The following CFAP299 variants were observed in gnomAD, a reference collection of about 807,000 sequenced individuals.
CFAP299 encodes cilia and flagella associated protein 299.
CFAP299 carries 21 observed loss-of-function variants against 27.0 expected under a neutral mutation model. The ratio of observed to expected loss-of-function variants is 0.78; its 90% CI spans 0.55 to 1.12. CFAP299 has a LOEUF of 1.12. CFAP299 is among the 50% of genes most tolerant of loss of function. The probability of loss-of-function intolerance (pLI) is 0.00; values close to 1 mark genes in which losing one functional copy is unlikely to be tolerated. For synonymous variants in CFAP299, 104 were observed against 98.1 expected (o/e 1.06, Z -0.36); for missense variants, 310 against 276.6 (o/e 1.12, Z -0.86).
At chr4:80,761,519 T>C (rs1326654713) in intron 3 of CFAP299, among the ~76,000 whole-genome samples, 1 of 152,002 alleles carries the variant, frequency 6.6e-6, no homozygotes, top group Non-Finnish European at 1.5e-5. Flanking sequence ...TATTAATATA[T>C]TTATATGGAA....
intron 2 of CFAP299, among the ~76,000 whole-genome samples, chr4:80,441,442 A>G (rs979043253): frequency 3.3e-5 from 5 of 152,238 alleles, no homozygotes; most frequent in Admixed American, 2.6e-4. Flanking sequence ...AGAATTGCAT[A>G]TCCAGCCAAA....
At chr4:80,419,777 C>T (rs1309130432) in intron 2 of CFAP299, among the ~76,000 whole-genome samples, 1 of 152,112 alleles carries the variant, frequency 6.6e-6, no homozygotes, top group African/African-American at 2.4e-5. Flanking sequence ...TGGGTAACCT[C>T]TATACTGTTT....
At chr4:80,513,189 T>A (rs970171099) in intron 2 of CFAP299, among the ~76,000 whole-genome samples, 1 of 152,158 alleles carries the variant, frequency 6.6e-6, no homozygotes, top group African/African-American at 2.4e-5. Flanking sequence ...GTGCTTTGAT[T>A]GATAAAGCAT....
rs1412863401 is a variant in CFAP299 at position 80,799,626 on chromosome 4, AT to A, written c.334-70366del. Among the ~76,000 whole-genome samples, 53 of 44,556 alleles carry A rather than the reference AT, an allele frequency of 1.2e-3. 5 individuals are homozygous for A. The highest frequency in any genetic ancestry group is 4.6e-3 in the African/African-American group (48 of 10,508). 29.2% of individuals were successfully genotyped at this position (44,556 alleles called of 152,430 possible). A position where few individuals can be genotyped will look rare whatever the true frequency, so the allele number is the denominator to read the frequency against. ...TATTTTATATATTATATATTTATAA[AT>A]ATATAATATATAAAATATATATTTT... On this transcript the variant is annotated intron_variant, in intron 3 of 5. Coordinates refer to ENST00000358105, the MANE Select transcript of CFAP299 (RefSeq NM_152770.3).
At chr4:80,521,372 G>C (rs1265868521) in intron 2 of CFAP299, among the ~76,000 whole-genome samples, 2 of 152,074 alleles carry the variant, frequency 1.3e-5, no homozygotes, top group African/African-American at 2.4e-5. Context: ...TCTGTTTCTG[G>C]TATATGAAAC....
At chr4:80,550,261 A>G (rs1734433589) in intron 2 of CFAP299, among the ~76,000 whole-genome samples, 2 of 152,072 alleles carry the variant, frequency 1.3e-5, no homozygotes, top group South Asian at 4.1e-4. Flanking sequence ...AAAATCGTGA[A>G]TAAGACCTGT....
At chr4:80,730,320 GCAGTGTAT>G (rs78835637) in intron 3 of CFAP299, among the ~76,000 whole-genome samples, 35,768 of 147,886 alleles carry the variant, frequency 0.24, 5,969 homozygotes, top group African/African-American at 0.46. Context: ...CTCCGGGCAG[GCAGTGTAT>G]CAGTGTATCC....
chr4:80,643,149 C>T (rs1456607338), intron 3 of CFAP299, among the ~76,000 whole-genome samples: 1 of 151,970 alleles, frequency 6.6e-6, no homozygotes, highest in Non-Finnish European at 1.5e-5. Flanking sequence ...TAAATAAATA[C>T]ATGAGAGAAG....
intron 4 of CFAP299, among the ~76,000 whole-genome samples, chr4:80,914,616 A>G (rs1578234920): frequency 2.0e-5 from 3 of 152,234 alleles, no homozygotes; most frequent in South Asian, 4.1e-4. Context: ...TTTAATTTAC[A>G]TTTCTCTAAT....
intron 3 of CFAP299, among the ~76,000 whole-genome samples, chr4:80,819,501 C>G (rs766963107): frequency 1.3e-5 from 2 of 151,930 alleles, no homozygotes; most frequent in Non-Finnish European, 2.9e-5. Context: ...TCAAATAAGC[C>G]AGGTAAGTGG....
At chr4:80,392,342 C>A (rs1013516620) in intron 2 of CFAP299, among the ~76,000 whole-genome samples, 1 of 152,140 alleles carries the variant, frequency 6.6e-6, no homozygotes, top group Admixed American at 6.5e-5. Flanking sequence ...AATGTGAGGA[C>A]ATGAGATTTG....
chr4:80,455,285 A>G (rs7694915), intron 2 of CFAP299, among the ~76,000 whole-genome samples: 14,209 of 152,128 alleles, frequency 0.093, 1,669 homozygotes, highest in African/African-American at 0.27. Context: ...TTTCGCCTAC[A>G]CCCAGGAATG....
In CFAP299 at chr4:80,805,010, G is replaced by C. The variant is rs367616477; in HGVS notation, c.334-64983G>C. Among the ~76,000 whole-genome samples the C allele has an allele frequency of 4.6e-4, 70 of 151,680 alleles. 1 individual carries two copies. In the South Asian group the frequency reaches 0.012, roughly 27 times the overall value. On this transcript the variant is annotated intron_variant, in intron 3 of 5. Transcript: ENST00000358105. ...TGGAGTGAATCATTTAATTTCCTTT[G>C]GGATTTCCTTTTGTGTACGTTCTAT...
At chr4:80,426,004 A>T (rs60545943) in intron 2 of CFAP299, among the ~76,000 whole-genome samples, 2 of 152,208 alleles carry the variant, frequency 1.3e-5, no homozygotes, top group East Asian at 3.9e-4. Flanking sequence ...GTGCAAGTAC[A>T]CAAAAGAAAG....
At chr4:80,554,505 GTTTTTTTT>G (rs869288835) in intron 2 of CFAP299, among the ~76,000 whole-genome samples, 2 of 108,720 alleles carry the variant, frequency 1.8e-5, no homozygotes, top group Non-Finnish European at 3.7e-5. Context: ...TTTTCCACTA[GTTTTTTTT>G]TTTTTTTTTT....
intron 3 of CFAP299, among the ~76,000 whole-genome samples, chr4:80,835,481 A>T (rs79339843): frequency 9.6e-6 from 1 of 104,254 alleles, no homozygotes; most frequent in East Asian, 2.3e-4. Flanking sequence ...CACCCACATT[A>T]AAAAAAAAAA....
intron 3 of CFAP299, among the ~76,000 whole-genome samples, chr4:80,715,295 C>T (rs1186219549): frequency 6.6e-6 from 1 of 152,030 alleles, no homozygotes; most frequent in Non-Finnish European, 1.5e-5. Context: ...ATTTTGCTGC[C>T]TCCATATAAC....
chr4:80,526,094 A>G (rs1733160818), intron 2 of CFAP299, among the ~76,000 whole-genome samples: 4 of 152,158 alleles, frequency 2.6e-5, no homozygotes, highest in Non-Finnish European at 5.9e-5. Context: ...CAGTACATAC[A>G]TGCACTATTT....
At chr4:80,935,801 A>C (rs529821651) in intron 4 of CFAP299, among the ~76,000 whole-genome samples, 16 of 152,100 alleles carry the variant, frequency 1.1e-4, no homozygotes, top group Non-Finnish European at 1.8e-4. Context: ...GACAGAAAAT[A>C]TTTGCAAAGT....
Sources: gnomAD v4.1 joint callset for allele counts (sites outside exome capture counted in the v4.1 genomes callset) on GRCh38, gnomAD v4.1.1 for gene constraint, MANE v1.5 for transcripts, NCBI Gene and HGNC (gene_info 2026-07-23, HGNC 2026-07-21) for gene names.